CNNM2: variants seen among roughly 807,000 people sequenced by gnomAD.
The protein encoded by CNNM2 is metal transporter CNNM2.
CNNM2 carries 12 observed loss-of-function variants against 66.9 expected under a neutral mutation model. The observed-to-expected ratio is 0.18, with a 90% CI of 0.11 to 0.29. The LOEUF (loss-of-function observed/expected upper bound fraction) is 0.29. Among genes scored for constraint, CNNM2 ranks in the 10% least tolerant of loss-of-function variants. The pLI, the probability that CNNM2 is intolerant of heterozygous loss-of-function variation, is 1.00. For synonymous variants in CNNM2, 557 were observed against 501.8 expected, an observed-to-expected ratio of 1.11 and a Z score of -1.47; for missense variants, 705 against 1,167.7, an observed-to-expected ratio of 0.60 and a Z score of 5.77.
At chr10:103,009,657 A>C (rs2064298035) in intron 1 of CNNM2, among the ~76,000 whole-genome samples, 1 of 136,302 alleles carries the variant, frequency 7.3e-6, no homozygotes, top group African/African-American at 2.8e-5. Flanking sequence ...ATACCACTAC[A>C]TTCTAGCCTG....
At chr10:102,994,652 C>T (rs1021035559) in intron 1 of CNNM2, among the ~76,000 whole-genome samples, 1 of 152,224 alleles carries the variant, frequency 6.6e-6, no homozygotes, top group Non-Finnish European at 1.5e-5. Flanking sequence ...CAGGAAGCCT[C>T]CACTAAAGCT....
chr10:103,021,302 G>A (rs2064575031), intron 1 of CNNM2, among the ~76,000 whole-genome samples: 1 of 152,146 alleles, frequency 6.6e-6, no homozygotes, highest in Non-Finnish European at 1.5e-5. Context: ...AGAATTCCCA[G>A]AACCTTGGAA....
At chr10:102,969,339 G>A (rs891416323) in intron 1 of CNNM2, among the ~76,000 whole-genome samples, 9 of 151,936 alleles carry the variant, frequency 5.9e-5, no homozygotes, top group East Asian at 3.9e-4. Flanking sequence ...TCAGCCTCCC[G>A]AGTAGCTAGA....
chr10:103,064,795 C>A (rs577022314), intron 4 of CNNM2, among the ~76,000 whole-genome samples: 4 of 152,130 alleles, frequency 2.6e-5, no homozygotes, highest in Non-Finnish European at 4.4e-5. Flanking sequence ...TTCTCACCAC[C>A]GGTGCGGTGA....
chr10:102,943,583 A>G (rs929662760), intron 1 of CNNM2, among the ~76,000 whole-genome samples: 4 of 152,284 alleles, frequency 2.6e-5, no homozygotes, highest in African/African-American at 7.2e-5. Flanking sequence ...ATTATTTAGG[A>G]AAAAAACGCA....
rs139976905 is a variant in CNNM2 at position 102,939,949 on chromosome 10, C to G, written c.1621+19848C>G. On this transcript the variant is annotated intron_variant, in intron 1 of 7. Transcript: ENST00000369878. ...CGCCACTGCACTCCAGCCTGGGCGA[C>G]AGGGTGAGTCTCCATCTCAAAAAAC... 0.02 allele frequency among the ~76,000 whole-genome samples: 2,993 copies of G among 151,838 alleles called. 46 individuals are homozygous for G. Among genetic ancestry groups the G allele is most frequent in the Admixed American group, 0.04 (614 of 15,212 alleles).
At chr10:103,053,286 A>C (rs2065245162) in intron 2 of CNNM2, among the ~76,000 whole-genome samples, 1 of 152,160 alleles carries the variant, frequency 6.6e-6, no homozygotes, top group Non-Finnish European at 1.5e-5. Context: ...AGGCTGAGGC[A>C]GGAGGATTGC....
At chr10:102,940,428 T>C (rs772300770) in intron 1 of CNNM2, among the ~76,000 whole-genome samples, 3 of 152,186 alleles carry the variant, frequency 2.0e-5, no homozygotes, top group Non-Finnish European at 4.4e-5. Context: ...TTTTATTTAT[T>C]TATTTTTTGA....
At chr10:102,921,374 G>A (rs1016582982) in intron 1 of CNNM2, among the ~76,000 whole-genome samples, 5 of 152,272 alleles carry the variant, frequency 3.3e-5, no homozygotes, top group Middle Eastern at 3.4e-3. Context: ...CACTGGATGT[G>A]ATGATCTGAA....
intron 1 of CNNM2, among the ~76,000 whole-genome samples, chr10:102,953,386 A>G (rs922947141): frequency 6.6e-6 from 1 of 151,712 alleles, no homozygotes; most frequent in Non-Finnish European, 1.5e-5. Context: ...CCTCCTGAGT[A>G]GCTGGGATTA....
At chr10:103,056,771 A>G in intron 3 of CNNM2, 24 bp from the exon 4 acceptor site, 1 of 1,605,258 alleles carries the variant, frequency 6.2e-7, no homozygotes. Context: ...GAAATGTAAT[A>G]TCAAGTTGTG....
At chr10:102,927,140 T>G (rs1845897497) in intron 1 of CNNM2, among the ~76,000 whole-genome samples, 1 of 152,074 alleles carries the variant, frequency 6.6e-6, no homozygotes, top group Non-Finnish European at 1.5e-5. Context: ...ACTTATAAAG[T>G]GGTATATATT....
intron 4 of CNNM2, among the ~76,000 whole-genome samples, chr10:103,062,971 A>G (rs2065413626): frequency 6.6e-6 from 1 of 152,158 alleles, no homozygotes; most frequent in Non-Finnish European, 1.5e-5. Flanking sequence ...GGAGTCTGAG[A>G]TGCTGCGTTA....
rs917538093 is a variant in CNNM2 at position 102,935,596 on chromosome 10, TA to T, written c.1621+15504del. ...TACTGCTATGAGCAGTATGGTCCTT[TA>T]AAAAAAAATTTTTTTTTTTTTTTTT... On this transcript the variant is annotated intron_variant, in intron 1 of 7. Transcript: ENST00000369878. Among the ~76,000 whole-genome samples, 298 of 146,722 alleles carry T rather than the reference TA, an allele frequency of 2.0e-3. 1 individual carries two copies. The highest frequency in any genetic ancestry group is 2.7e-3 in the African/African-American group (109 of 39,980).
chr10:102,959,316 A>G (rs1280565052), intron 1 of CNNM2, among the ~76,000 whole-genome samples: 2 of 152,224 alleles, frequency 1.3e-5, no homozygotes, highest in African/African-American at 2.4e-5. Context: ...GGGATTCTCA[A>G]GCTTTTTGTA....
chr10:102,965,281 A>C lies in CNNM2; in HGVS notation c.1621+45180A>C, dbSNP rs888401632. On this transcript the variant is annotated intron_variant, in intron 1 of 7. Coordinates refer to ENST00000369878, the MANE Select transcript of CNNM2 (RefSeq NM_017649.5). ...GAAGGATCAGCAGTTAACAATGAACAGTTTAAAATGATCTCAGTATTCTTT... is the reference window on the plus strand; with the variant it reads ...GAAGGATCAGCAGTTAACAATGAACCGTTTAAAATGATCTCAGTATTCTTT... Among the ~76,000 whole-genome samples, 4 of 152,210 alleles carry C rather than the reference A, an allele frequency of 2.6e-5. No homozygotes were observed. The East Asian group carries it at 5.8e-4, about 22-fold the overall frequency.
At position 103,077,058 on chromosome 10, in the gene CNNM2, G is replaced by A. The variant is rs1164136549; in HGVS notation, c.2506G>A (p.Glu836Lys). Residue 836 changes from glutamate to lysine, a missense_variant, in exon 8 of 8, where the codon GAA becomes AAA. Physicochemically the swap from Glu to Lys is moderately conservative, Grantham distance 56. This residue lies in a region of CNNM2 where 194 missense variants were observed against 227.6 expected (regional missense o/e 0.85). Transcript: ENST00000369878. ...QSSDSENTKI[E>K]LTLTELHDGL... ...TTCAGACAGTGAAAACACTAAAATCGAATTGACTCTTACGGAGCTGCATGA... is the reference window on the plus strand; with the variant it reads ...TTCAGACAGTGAAAACACTAAAATCAAATTGACTCTTACGGAGCTGCATGA... 9 of 1,613,924 alleles carry A rather than the reference G, an allele frequency of 5.6e-6. No individual in the cohort carries two copies. Among genetic ancestry groups the A allele is most frequent in the South Asian group, 2.2e-5 (2 of 91,080 alleles).
Position 103,087,172 on chromosome 10 carries a change from T to TTTTTTTTTTTA in CNNM2, c.*9992_*9993insTTTTTTTTTTA, listed in dbSNP as rs1261111286. The TTTTTTTTTTTA allele has an allele frequency of 9.3e-5, 10 of 108,092 alleles. 1 individual carries two copies. In the Admixed American group the frequency reaches 1.1e-3, roughly 12 times the overall value. The allele number at this position is 108,092 out of a possible 1,614,324, so 6.7% of individuals were successfully genotyped here. On this transcript the variant is annotated 3_prime_UTR_variant, in exon 8 of 8. Coordinates refer to ENST00000369878, the MANE Select transcript of CNNM2 (RefSeq NM_017649.5). Reference sequence around the variant, plus strand: ...TTTTTTTTTTTTTTTTTTTTTTTTTTAAGGAAAAAAGTATACCTTTTAAGT... The same window carrying TTTTTTTTTTTA: ...TTTTTTTTTTTTTTTTTTTTTTTTTTTTTTTTTTTTAAAGGAAAAAAGTATACCTTTTAAGT...
chr10:102,954,133 T>TC (rs1846945728), intron 1 of CNNM2, among the ~76,000 whole-genome samples: 1 of 149,636 alleles, frequency 6.7e-6, no homozygotes, highest in Non-Finnish European at 1.5e-5. Context: ...TTTCTTTTTT[T>TC]TTTTTTTTTT....
Sources: gnomAD v4.1 joint callset for allele counts (sites outside exome capture counted in the v4.1 genomes callset) on GRCh38, gnomAD v4.1.1 for gene constraint, gnomAD v4.1.1 regional missense constraint, MANE v1.5 for transcripts, NCBI Gene and HGNC (gene_info 2026-07-23, HGNC 2026-07-21) for gene names.